NEO1: variants seen among roughly 807,000 people sequenced by gnomAD.
NEO1 encodes the protein neogenin.
A neutral mutation model predicts 159.7 loss-of-function variants in NEO1; 63 were observed. The ratio of observed to expected loss-of-function variants is 0.39; its 90% CI spans 0.32 to 0.49. NEO1 has a LOEUF of 0.49. Among genes scored for constraint, NEO1 ranks in the 20% least tolerant of loss-of-function variants. The pLI is 0.85. For synonymous variants in NEO1, 633 were observed against 662.0 expected (o/e 0.96, Z 0.67); for missense variants, 1,615 against 1,831.0 (o/e 0.88, Z 2.15).
intron 1 of NEO1, among the ~76,000 whole-genome samples, chr15:73,062,395 A>G (rs1488231709): frequency 6.6e-6 from 1 of 152,146 alleles, no homozygotes; most frequent in East Asian, 1.9e-4. Flanking sequence ...ATAATACGTA[A>G]TTAAGAATAG....
At chr15:73,183,669 A>G (rs2035748821) in intron 7 of NEO1, among the ~76,000 whole-genome samples, 1 of 152,088 alleles carries the variant, frequency 6.6e-6, no homozygotes, top group Admixed American at 6.6e-5. Context: ...TCAACCATGA[A>G]CTTTCTACTG....
At chr15:73,120,747 G>A (rs1303793428) in intron 2 of NEO1, among the ~76,000 whole-genome samples, 2 of 151,972 alleles carry the variant, frequency 1.3e-5, no homozygotes, top group African/African-American at 4.8e-5. Context: ...TGAAGTGGTG[G>A]TGTTGGGATT....
intron 4 of NEO1, among the ~76,000 whole-genome samples, chr15:73,135,443 G>T (rs1223104420): frequency 6.6e-6 from 1 of 152,078 alleles, no homozygotes; most frequent in Non-Finnish European, 1.5e-5. Context: ...TACTGTTTCG[G>T]ATCTAACATT....
chr15:73,236,800 A>G (rs965704348), intron 8 of NEO1, among the ~76,000 whole-genome samples: 5 of 152,224 alleles, frequency 3.3e-5, no homozygotes, highest in Non-Finnish European at 1.5e-5. Flanking sequence ...TATAAATTCT[A>G]GAGATTAAGG....
chr15:73,302,487 G>C, intron 28 of NEO1, 126 bp from the exon 29 acceptor site: 3 of 758,626 alleles, frequency 4.0e-6, no homozygotes, highest in Non-Finnish European at 4.4e-6. Context: ...GCCACCCTGC[G>C]TGTTAGTAGC....
intron 7 of NEO1, among the ~76,000 whole-genome samples, chr15:73,209,882 C>T (rs1326176785): frequency 6.6e-6 from 1 of 151,952 alleles, no homozygotes; most frequent in Non-Finnish European, 1.5e-5. Flanking sequence ...GTGGCAGGCG[C>T]CTCCCAGCTA....
intron 1 of NEO1, among the ~76,000 whole-genome samples, chr15:73,086,164 C>T (rs1389390992): frequency 6.6e-6 from 1 of 152,110 alleles, no homozygotes; most frequent in Non-Finnish European, 1.5e-5. Flanking sequence ...GTTGTTCCAA[C>T]CTTGTTTGTT....
Position 73,159,657 on chromosome 15 carries a change from C to T in NEO1, c.1016-16746C>T, listed in dbSNP as rs77911405. ...TAAGGGCAAGTCAACATGGAAGCAG[C>T]AGCAGTCTTGATGGACTGTGGTTAA... On this transcript the variant is annotated intron_variant, in intron 5 of 28. Transcript: ENST00000261908. Among the ~76,000 whole-genome samples the T allele has an allele frequency of 7.2e-5, 11 of 152,250 alleles. No individual in the cohort carries two copies. The East Asian group carries it at 2.1e-3, about 29-fold the overall frequency.
At chr15:73,120,146 T>A (rs2071555498) in intron 2 of NEO1, among the ~76,000 whole-genome samples, 1 of 147,624 alleles carries the variant, frequency 6.8e-6, no homozygotes, top group Non-Finnish European at 1.5e-5. Context: ...ATAAAAAAAA[T>A]TAATTAATTA....
intron 2 of NEO1, among the ~76,000 whole-genome samples, chr15:73,118,737 C>T (rs2071461192): frequency 6.6e-6 from 1 of 152,152 alleles, no homozygotes; most frequent in South Asian, 2.1e-4. Context: ...GTTATTTAAA[C>T]CACTCTTGGC....
At chr15:73,158,248 T>C (rs1291329887) in intron 5 of NEO1, among the ~76,000 whole-genome samples, 2 of 147,404 alleles carry the variant, frequency 1.4e-5, no homozygotes, top group Non-Finnish European at 3.0e-5. Flanking sequence ...TTTTTTCTTC[T>C]AGATGGCCTG....
chr15:73,054,210 TTAC>T (rs1209295646), intron 1 of NEO1, among the ~76,000 whole-genome samples: 1 of 152,250 alleles, frequency 6.6e-6, no homozygotes, highest in African/African-American at 2.4e-5. Context: ...CAAGTTCCTG[TTAC>T]TCATGATCTA....
intron 1 of NEO1, among the ~76,000 whole-genome samples, chr15:73,058,544 G>A (rs1415912077): frequency 1.3e-5 from 2 of 152,108 alleles, no homozygotes; most frequent in African/African-American, 2.4e-5. Context: ...TCTATATTTT[G>A]GATTCCCCCA....
chr15:73,188,544 A>G (rs898482451), intron 7 of NEO1, among the ~76,000 whole-genome samples: 1 of 152,148 alleles, frequency 6.6e-6, no homozygotes, highest in African/African-American at 2.4e-5. Flanking sequence ...GTCATTTCCT[A>G]TTCTTCTGTT....
chr15:73,053,504 C>G (rs1014721568), intron 1 of NEO1, among the ~76,000 whole-genome samples: 1 of 152,222 alleles, frequency 6.6e-6, no homozygotes, highest in African/African-American at 2.4e-5. Context: ...AGCCTATTAA[C>G]CACTCTTAAC....
chr15:73,229,570 G>A (rs561021341), intron 7 of NEO1, among the ~76,000 whole-genome samples: 28 of 146,586 alleles, frequency 1.9e-4, no homozygotes, highest in African/African-American at 6.6e-4. Context: ...TCTTTTTCTT[G>A]CCATTTTGCA....
intron 5 of NEO1, among the ~76,000 whole-genome samples, chr15:73,154,815 A>G (rs993246036): frequency 1.3e-5 from 2 of 152,174 alleles, no homozygotes; most frequent in Non-Finnish European, 2.9e-5. Flanking sequence ...TATATCTTTT[A>G]AGTGGAGCTC....
chr15:73,052,588 C>T lies in NEO1; in HGVS notation c.-88C>T. 1.2e-6 allele frequency: 1 copy of T among 842,640 alleles called. No homozygotes were observed. 52.2% of individuals were successfully genotyped at this position (842,640 alleles called of 1,614,324 possible). A position where few individuals can be genotyped will look rare whatever the true frequency, so the allele number is the denominator to read the frequency against. On this transcript the variant is annotated 5_prime_UTR_variant, in exon 1 of 29. Transcript: ENST00000261908. The stretch of plus-strand genomic sequence containing the variant: ...GCGGCCGCGGGAGCCGAGCTTGCAG[C>T]GAGGGACCGGCTGAGGCGCGCGGGA...
At chr15:73,173,385 G>C (rs1452078605) in intron 5 of NEO1, among the ~76,000 whole-genome samples, 1 of 152,112 alleles carries the variant, frequency 6.6e-6, no homozygotes, top group African/African-American at 2.4e-5. Context: ...ATAGGCAGAT[G>C]GATGAAACCA....
Sources: gnomAD v4.1 joint callset for allele counts (sites outside exome capture counted in the v4.1 genomes callset) on GRCh38, gnomAD v4.1.1 for gene constraint, MANE v1.5 for transcripts, NCBI Gene and HGNC (gene_info 2026-07-23, HGNC 2026-07-21) for gene names.